Variants in TRIM5 observed in about 807,000 individuals in gnomAD.
TRIM5 encodes tripartite motif containing 5.
In TRIM5, 31 loss-of-function variants were observed where a neutral mutation model predicts 35.6. The ratio of observed to expected loss-of-function variants is 0.87; its 90% CI spans 0.65 to 1.18. The LOEUF (loss-of-function observed/expected upper bound fraction) is 1.18. Ranked by LOEUF, TRIM5 falls within the 50% of genes most tolerant of loss-of-function variation. The probability of loss-of-function intolerance (pLI) is 0.00; values close to 1 mark genes in which losing one functional copy is unlikely to be tolerated. For missense variants in TRIM5, 609 were observed against 591.6 expected (o/e 1.03, Z -0.31); for synonymous variants, 243 against 215.6 (o/e 1.13, Z -1.11).
At chr11:5,632,115 C>T in the TRIM5 span, 1 of 1,224,932 alleles carries the variant, frequency 8.2e-7, no homozygotes, top group South Asian at 1.7e-5. Context: ...TCGCCCAGAC[C>T]ACTTTCAGCC....
In TRIM5 at chr11:5,678,204, C is replaced by G. The variant is rs773284597; in HGVS notation, c.744G>C (p.Gln248His). The G allele has an allele frequency of 2.5e-6, 4 of 1,599,658 alleles. No individual in the cohort carries two copies. In the South Asian group the frequency reaches 3.3e-5, roughly 13 times the overall value. Residue 248 changes from glutamine (Q) to histidine (H), a missense_variant and splice_region_variant, in exon 4 of 8, where the codon CAG (glutamine) becomes CAC (histidine). Coordinates refer to ENST00000380034, the MANE Select transcript of TRIM5 (RefSeq NM_033034.3). The part of the protein sequence containing the change: ...RLQGSVMELL[Q>H]GVDGVIKRTE... Reference sequence around the variant, plus strand: ...GCTCAGGCTTCTTTCCACTTTTTACCTGAAGCAGCTCCATCACTGACCCCT... The same window carrying G: ...GCTCAGGCTTCTTTCCACTTTTTACGTGAAGCAGCTCCATCACTGACCCCT...
the TRIM5 span, among the ~76,000 whole-genome samples, chr11:5,593,229 G>A: frequency 6.6e-6 from 1 of 152,180 alleles, no homozygotes; most frequent in African/African-American, 2.4e-5. Flanking sequence ...GAATTCTCAA[G>A]CATAAACTAC....
the TRIM5 span, chr11:5,632,281 G>A: frequency 6.2e-7 from 1 of 1,612,340 alleles, no homozygotes; most frequent in Non-Finnish European, 8.5e-7. Flanking sequence ...AACCAGAAGA[G>A]AGAGGAGAGC....
chr11:5,622,707 C>CTGAT, the TRIM5 span, among the ~76,000 whole-genome samples: 4 of 152,196 alleles, frequency 2.6e-5, no homozygotes, highest in African/African-American at 9.7e-5. Flanking sequence ...CCACACAGAA[C>CTGAT]TGATGGGCTA....
At chr11:5,628,998 C>T in the TRIM5 span, among the ~76,000 whole-genome samples, 29 of 152,060 alleles carry the variant, frequency 1.9e-4, no homozygotes, top group South Asian at 4.1e-4. Flanking sequence ...AGGTCAAGGC[C>T]GGGTGCAGTG....
the TRIM5 span, among the ~76,000 whole-genome samples, chr11:5,648,240 C>T: frequency 0.015 from 2,309 of 152,168 alleles, 30 homozygotes; most frequent in Middle Eastern, 0.037. Context: ...GGCGCGGTGG[C>T]TTACACCTGT....
intron 6 of TRIM5, 60 bp downstream of exon 6, chr11:5,665,921 A>G (rs1851095471): frequency 2.6e-6 from 4 of 1,510,088 alleles, no homozygotes; most frequent in African/African-American, 2.8e-5. Flanking sequence ...CCTCTTCCCT[A>G]TTTAGCACCC....
At chr11:5,647,183 C>A in the TRIM5 span, among the ~76,000 whole-genome samples, 1 of 152,050 alleles carries the variant, frequency 6.6e-6, no homozygotes, top group Non-Finnish European at 1.5e-5. Flanking sequence ...GGGAAAATTA[C>A]CAATACTTGG....
the TRIM5 span, chr11:5,644,169 G>A: frequency 2.5e-6 from 1 of 399,814 alleles, no homozygotes; most frequent in East Asian, 3.6e-5. Context: ...TGAGCAATAT[G>A]TGTATTCAGA....
chr11:5,599,257 TTC>T, the TRIM5 span, among the ~76,000 whole-genome samples: 25 of 152,310 alleles, frequency 1.6e-4, no homozygotes, highest in East Asian at 2.7e-3. Flanking sequence ...GAGGCAGTAG[TTC>T]TCCTTCAAGA....
At chr11:5,680,336 A>G in intron 1 of TRIM5, 98 bp from the exon 2 acceptor site, 1 of 734,996 alleles carries the variant, frequency 1.4e-6, no homozygotes, top group Non-Finnish European at 2.0e-6. Context: ...AGATGAAAAT[A>G]ATTAAGGACA....
At chr11:5,597,261 T>C in the TRIM5 span, among the ~76,000 whole-genome samples, 17 of 152,184 alleles carry the variant, frequency 1.1e-4, no homozygotes, top group African/African-American at 4.1e-4. Context: ...CTTAGAGTTT[T>C]GGTGAGGATT....
At chr11:5,643,820 T>C in the TRIM5 span, 1,304 of 1,380,026 alleles carry the variant, frequency 9.4e-4, 14 homozygotes, top group African/African-American at 0.014. Flanking sequence ...TTTAGAACTT[T>C]TACTCATCCT....
chr11:5,623,048 AC>A, the TRIM5 span, among the ~76,000 whole-genome samples: 7 of 151,844 alleles, frequency 4.6e-5, no homozygotes, highest in Non-Finnish European at 1.0e-4. Flanking sequence ...AAAGGAAGTA[AC>A]CAGATATTCA....
the TRIM5 span, among the ~76,000 whole-genome samples, chr11:5,637,122 A>G: frequency 0.04 from 6,151 of 152,184 alleles, 395 homozygotes; most frequent in African/African-American, 0.14. Context: ...GCAGTGAGCC[A>G]AGATGGCGCC....
At chr11:5,600,819 G>A in the TRIM5 span, among the ~76,000 whole-genome samples, 49 of 152,234 alleles carry the variant, frequency 3.2e-4, no homozygotes, top group African/African-American at 1.2e-3. Context: ...TGGAACCAGG[G>A]CCAGAGCTTC....
chr11:5,598,117 T>C, the TRIM5 span, among the ~76,000 whole-genome samples: 1 of 152,180 alleles, frequency 6.6e-6, no homozygotes, highest in Non-Finnish European at 1.5e-5. Context: ...GACTGCAGGC[T>C]CTTCTCGTCT....
At chr11:5,633,722 A>C in the TRIM5 span, 4 of 1,408,096 alleles carry the variant, frequency 2.8e-6, no homozygotes, top group Non-Finnish European at 3.8e-6. Context: ...TCTGGGATCA[A>C]CTTGATTTTT....
chr11:5,602,305 T>C, the TRIM5 span, among the ~76,000 whole-genome samples: 1 of 151,974 alleles, frequency 6.6e-6, no homozygotes, highest in Non-Finnish European at 1.5e-5. Flanking sequence ...TAGCCGGACA[T>C]AGTGGCAGGC....
Sources: gnomAD v4.1 joint callset for allele counts (sites outside exome capture counted in the v4.1 genomes callset) on GRCh38, gnomAD v4.1.1 for gene constraint, MANE v1.5 for transcripts, NCBI Gene and HGNC (gene_info 2026-07-23, HGNC 2026-07-21) for gene names.